The following NFATC2IP variants were observed in gnomAD, a reference collection of about 807,000 sequenced individuals.
The protein encoded by NFATC2IP is nuclear factor of activated T cells 2 interacting protein.
A neutral mutation model predicts 40.2 loss-of-function variants in NFATC2IP; 25 were observed. The observed-to-expected ratio is 0.62, with a 90% CI of 0.45 to 0.87. NFATC2IP has a LOEUF of 0.87. Ranked by LOEUF, NFATC2IP falls within the 40% of genes least tolerant of loss-of-function variation. The pLI is 0.00. For missense variants in NFATC2IP, 553 were observed against 555.6 expected, an observed-to-expected ratio of 1.00 and a Z score of 0.05; for synonymous variants, 241 against 236.3, an observed-to-expected ratio of 1.02 and a Z score of -0.18.
chr16:28,964,220 A>G lies in NFATC2IP; in HGVS notation c.*357A>G, dbSNP rs1965119840. The G allele has an allele frequency of 4.7e-6, 1 of 212,462 alleles. No homozygotes were observed. Among genetic ancestry groups the G allele is most frequent in the East Asian group, 1.1e-4 (1 of 9,504 alleles). The allele number at this position is 212,462 out of a possible 1,614,324, so 13.2% of individuals were successfully genotyped here. On this transcript the variant is annotated 3_prime_UTR_variant, in exon 8 of 8. Transcript: ENST00000320805. Reference sequence around the variant, plus strand: ...ATGCACATATTGAAAGTGAGTTGAAACAAATGAGGGTTGGGTAGGAGCTTC... The same window carrying G: ...ATGCACATATTGAAAGTGAGTTGAAGCAAATGAGGGTTGGGTAGGAGCTTC...
intron 2 of NFATC2IP, 69 bp from the exon 3 acceptor site, chr16:28,954,496 T>G: frequency 9.8e-7 from 1 of 1,019,934 alleles, no homozygotes; most frequent in Non-Finnish European, 1.5e-6. Context: ...GCCTCTGACT[T>G]GTTTCTTCTT....
intron 7 of NFATC2IP, among the ~76,000 whole-genome samples, chr16:28,961,420 C>A (rs949241857): frequency 1.3e-5 from 2 of 151,642 alleles, no homozygotes; most frequent in African/African-American, 4.8e-5. Context: ...AGCAGCACCC[C>A]ACTTTTGTAT....
At chr16:28,961,815 G>A (rs1338397194) in intron 7 of NFATC2IP, among the ~76,000 whole-genome samples, 1 of 146,426 alleles carries the variant, frequency 6.8e-6, no homozygotes, top group African/African-American at 2.5e-5. Flanking sequence ...CAGAAGAATC[G>A]CTTGAACCTG....
At chr16:28,958,245 T>G (rs1965043106) in intron 5 of NFATC2IP, 1 of 152,076 alleles carries the variant, frequency 6.6e-6, no homozygotes. Context: ...AATTCAAGAG[T>G]TCAAGACCAG....
chr16:28,955,960 T>C lies in NFATC2IP; in HGVS notation c.579-18T>C. The stretch of plus-strand genomic sequence containing the variant: ...TCTCTCTCCATTGCCTCCGTCCTGC[T>C]GTCTCTTGCTTCTACAGGGATCTGG... On this transcript the variant is annotated intron_variant, in intron 3 of 7. Coordinates refer to ENST00000320805, the MANE Select transcript of NFATC2IP (RefSeq NM_032815.4). The C allele has an allele frequency of 6.3e-7, 1 of 1,596,966 alleles. No homozygotes were observed. The highest frequency in any genetic ancestry group is 8.6e-7 in the Non-Finnish European group (1 of 1,164,422).
chr16:28,952,499 G>T, intron 2 of NFATC2IP: 1 of 366,510 alleles, frequency 2.7e-6, no homozygotes, highest in Non-Finnish European at 5.0e-6. Context: ...AGTTCTTTGG[G>T]AACACTGGAG....
In NFATC2IP at chr16:28,965,427, C is replaced by CA. The variant is rs1342678865; in HGVS notation, c.*1573dup. On this transcript the variant is annotated 3_prime_UTR_variant, in exon 8 of 8. Transcript: ENST00000320805. ...GCAACATAGCGAGACCTCGTCTCTA[C>CA]AAAAAAAAATTAAAAAGGGGGCTTT... 1.0e-4 allele frequency: 15 copies of CA among 150,432 alleles called. No individual in the cohort carries two copies. The highest frequency in any genetic ancestry group is 2.1e-4 in the Non-Finnish European group (14 of 67,590). The allele number at this position is 150,432 out of a possible 1,614,324, so 9.3% of individuals were successfully genotyped here. A position where few individuals can be genotyped will look rare whatever the true frequency, so the allele number is the denominator to read the frequency against.
chr16:28,952,250 T>C, intron 2 of NFATC2IP, 46 bp downstream of exon 2: 1 of 1,611,484 alleles, frequency 6.2e-7, no homozygotes, highest in South Asian at 1.1e-5. Context: ...CTGGCTTCTC[T>C]TAAGAGAATT....
At chr16:28,951,424 C>T in intron 1 of NFATC2IP, 26 bp downstream of exon 1, 1 of 1,370,268 alleles carries the variant, frequency 7.3e-7, no homozygotes, top group Non-Finnish European at 9.4e-7. Context: ...GGGAGGGGAC[C>T]GGCGGAAGGG....
In NFATC2IP at chr16:28,966,444, T is replaced by TAAAAAAAA. The variant is rs869184973; in HGVS notation, c.*2595_*2602dup. The TAAAAAAAA allele has an allele frequency of 6.6e-5, 8 of 122,098 alleles. No individual in the cohort carries two copies. Among genetic ancestry groups the TAAAAAAAA allele is most frequent in the African/African-American group, 2.5e-4 (8 of 31,534 alleles). 7.6% of individuals were successfully genotyped at this position (122,098 alleles called of 1,614,324 possible). On this transcript the variant is annotated 3_prime_UTR_variant, in exon 8 of 8. Transcript: ENST00000320805. Reference sequence around the variant, plus strand: ...GGCAACACAGCGAGACCTTGTCTCTTAAAAAAAAAAAAAAAAAAAAATGAG... The same window carrying TAAAAAAAA: ...GGCAACACAGCGAGACCTTGTCTCTTAAAAAAAAAAAAAAAAAAAAAAAAAAAAATGAG...
chr16:28,954,318 T>G (rs979220157), intron 2 of NFATC2IP, among the ~76,000 whole-genome samples: 4 of 152,244 alleles, frequency 2.6e-5, no homozygotes, highest in African/African-American at 7.2e-5. Context: ...TTATAGAAAA[T>G]AATACCTGGT....
At chr16:28,955,157 A>G (rs1421416161) in intron 3 of NFATC2IP, among the ~76,000 whole-genome samples, 6 of 152,062 alleles carry the variant, frequency 3.9e-5, no homozygotes, top group African/African-American at 1.2e-4. Flanking sequence ...TCGTGCCACT[A>G]TACTCCAGCC....
intron 7 of NFATC2IP, among the ~76,000 whole-genome samples, chr16:28,961,878 C>T (rs556312208): frequency 1.1e-3 from 139 of 127,996 alleles, no homozygotes; most frequent in Middle Eastern, 5.4e-3. Context: ...CCAGCCTGGG[C>T]GACAGAGCTA....
rs1471153998 is a variant in NFATC2IP, at chr16:28,964,613, T to G, written c.*750T>G. 1 of 152,384 alleles carries G rather than the reference T, an allele frequency of 6.6e-6. No individual in the cohort carries two copies. The highest frequency in any genetic ancestry group is 2.4e-5 in the African/African-American group (1 of 41,462). The allele number at this position is 152,384 out of a possible 1,614,324, so 9.4% of individuals were successfully genotyped here. On this transcript the variant is annotated 3_prime_UTR_variant, in exon 8 of 8. Transcript: ENST00000320805. ...GTTTTATGGCTTTTTTCCCTTTCTT[T>G]ACACCATCCTCTCCCATAAGCACCC...
At chr16:28,952,742 C>CT (rs66466268) in intron 2 of NFATC2IP, 3,241 of 138,148 alleles carry the variant, frequency 0.023, 97 homozygotes, top group East Asian at 0.18. Flanking sequence ...TCAGTTCTCT[C>CT]TTTTTTTTTT....
chr16:28,960,127 T>A (rs1178027107), intron 7 of NFATC2IP, among the ~76,000 whole-genome samples: 1 of 152,134 alleles, frequency 6.6e-6, no homozygotes, highest in Non-Finnish European at 1.5e-5. Flanking sequence ...TCCATGTGTC[T>A]CTGTCTGTGT....
rs142499404 is a variant in NFATC2IP, at chr16:28,952,182, C to A, written c.438C>A (p.Leu146=). The change falls in exon 2 of 8, where the codon CTC becomes CTA. Residue 146 remains leucine, a synonymous_variant. Transcript: ENST00000320805. ...CAGATGATCTATCCCTCCTGAAACT[C>A]TACCCTCCAGGGGATGAGGAAGGTA... ...LIPDDLSLLK[L]YPPGDEEEAE... is the part of the protein sequence containing the mutation. 9 of 1,613,388 alleles carry A rather than the reference C, an allele frequency of 5.6e-6. No homozygotes were observed. Among genetic ancestry groups the A allele is most frequent in the African/African-American group, 1.3e-5 (1 of 74,900 alleles).
intron 1 of NFATC2IP, among the ~76,000 whole-genome samples, chr16:28,951,791 G>C (rs1269086442): frequency 6.6e-6 from 1 of 152,060 alleles, no homozygotes; most frequent in Non-Finnish European, 1.5e-5. Flanking sequence ...GGTTCAGAGA[G>C]GACTGGGCGG....
At position 28,959,032 on chromosome 16, in the gene NFATC2IP, T is replaced by G; in HGVS notation, c.1033T>G (p.Ser345Ala). Reference protein sequence around the residue: ...LTSSPEATETSQQLQLRVQGK... With the variant: ...LTSSPEATETAQQLQLRVQGK... ...AAGTTCTCCAGAGGCCACAGAGACG[T>G]CCCAACAGCTCCAGCTCCGGGTGCA... The change falls in exon 7 of 8, where the codon TCC becomes GCC. Residue 345 changes from serine to alanine, a missense_variant. Transcript: ENST00000320805. 1 of 1,613,928 alleles carries G rather than the reference T, an allele frequency of 6.2e-7. No individual in the cohort carries two copies. Among genetic ancestry groups the G allele is most frequent in the Non-Finnish European group, 8.5e-7 (1 of 1,179,932 alleles).
Sources: gnomAD v4.1 joint callset for allele counts (sites outside exome capture counted in the v4.1 genomes callset) on GRCh38, gnomAD v4.1.1 for gene constraint, MANE v1.5 for transcripts, NCBI Gene and HGNC (gene_info 2026-07-23, HGNC 2026-07-21) for gene names.